The following SYCP3 variants were observed in gnomAD, a reference collection of about 807,000 sequenced individuals.
SYCP3 encodes synaptonemal complex protein 3.
Under a neutral mutation model 38.5 loss-of-function variants are expected in SYCP3, and 29 were observed. The observed-to-expected ratio is 0.75, with a 90% CI of 0.56 to 1.03. The LOEUF (loss-of-function observed/expected upper bound fraction) is 1.03. Ranked by LOEUF, SYCP3 falls within the 50% of genes least tolerant of loss-of-function variation. The pLI is 0.00. For missense variants in SYCP3, 242 were observed against 270.7 expected (o/e 0.89, Z 0.74); for synonymous variants, 79 against 80.3 (o/e 0.98, Z 0.08).
Position 101,733,445 on chromosome 12 carries a change from A to C in SYCP3, c.453+130T>G. Reference sequence around the variant, plus strand: ...CCTATACGTCTGTGGTTTACAGTTCAGTAGGTTTAAAACACATGGCCAGCA... The same window carrying C: ...CCTATACGTCTGTGGTTTACAGTTCCGTAGGTTTAAAACACATGGCCAGCA... On this transcript the variant is annotated intron_variant, in intron 6 of 8. Coordinates refer to ENST00000392924, the MANE Select transcript of SYCP3 (RefSeq NM_001177949.2). The C allele has an allele frequency of 3.8e-6, 3 of 788,742 alleles. No homozygotes were observed. The South Asian group carries it at 4.5e-5, about 12-fold the overall frequency. The allele number at this position is 788,742 out of a possible 1,614,324, so 48.9% of individuals were successfully genotyped here. A position where few individuals can be genotyped will look rare whatever the true frequency, so the allele number is the denominator to read the frequency against.
intron 4 of SYCP3, among the ~76,000 whole-genome samples, chr12:101,735,530 G>A (rs1240990142): frequency 2.6e-5 from 4 of 151,864 alleles, no homozygotes; most frequent in Non-Finnish European, 5.9e-5. Flanking sequence ...GCGTGGTGGC[G>A]CACACCTGTA....
chr12:101,739,313 G>A lies in SYCP3; in HGVS notation c.-18+38C>T, dbSNP rs1952616396. 3.0e-6 allele frequency: 3 copies of A among 1,002,578 alleles called. No individual in the cohort carries two copies. The South Asian group carries it at 1.4e-4, about 47-fold the overall frequency. 62.1% of individuals were successfully genotyped at this position (1,002,578 alleles called of 1,614,324 possible). Reference sequence around the variant, plus strand: ...ACTGGTCAAGGGCAGCCTCTGGCCTGGACACCTGCGATAGACAGACGCCTC... The same window carrying A: ...ACTGGTCAAGGGCAGCCTCTGGCCTAGACACCTGCGATAGACAGACGCCTC... On this transcript the variant is annotated intron_variant, in intron 1 of 8. Transcript: ENST00000392924.
intron 6 of SYCP3, 75 bp from the exon 7 acceptor site, chr12:101,731,741 C>A (rs1952200609): frequency 1.9e-6 from 2 of 1,047,854 alleles, no homozygotes; most frequent in East Asian, 5.3e-5. Context: ...AATAATTCTA[C>A]ATTAAACTTA....
intron 6 of SYCP3, 136 bp from the exon 7 acceptor site, chr12:101,731,802 C>A: frequency 3.3e-6 from 2 of 598,674 alleles, no homozygotes. Flanking sequence ...ACTATTATGA[C>A]CACATTTAGA....
intron 7 of SYCP3, among the ~76,000 whole-genome samples, chr12:101,730,145 G>A (rs1952120508): frequency 6.6e-6 from 1 of 152,078 alleles, no homozygotes; most frequent in African/African-American, 2.4e-5. Flanking sequence ...GGGATAGATT[G>A]GAGAACAGAG....
intron 7 of SYCP3, 82 bp downstream of exon 7, chr12:101,731,485 AT>A (rs1952187369): frequency 2.1e-6 from 2 of 971,040 alleles, no homozygotes; most frequent in African/African-American, 1.7e-5. Flanking sequence ...GTTTTTTCCC[AT>A]AAACTTAGAA....
chr12:101,737,409 A>G (rs1156256022), intron 2 of SYCP3, 111 bp from the exon 3 acceptor site: 3 of 1,031,646 alleles, frequency 2.9e-6, no homozygotes, highest in East Asian at 2.4e-5. Context: ...TTTTGCCAAC[A>G]TACAGTTTCA....
At chr12:101,735,878 T>TAATATAATCAA (rs1952419465) in intron 4 of SYCP3, among the ~76,000 whole-genome samples, 5 of 130,756 alleles carry the variant, frequency 3.8e-5, no homozygotes, top group African/African-American at 1.5e-4. Flanking sequence ...TATATTTTTT[T>TAATATAATCAA]TTTTTTAAAG....
chr12:101,738,841 C>A (rs1387278535), intron 1 of SYCP3, among the ~76,000 whole-genome samples: 1 of 152,212 alleles, frequency 6.6e-6, no homozygotes, highest in Non-Finnish European at 1.5e-5. Flanking sequence ...TTTGGGGCCG[C>A]CTCTGCCAGA....
At chr12:101,739,212 G>T in intron 1 of SYCP3, 139 bp downstream of exon 1, 1 of 804,234 alleles carries the variant, frequency 1.2e-6, no homozygotes, top group Non-Finnish European at 1.5e-6. Context: ...TCCTGCTCAA[G>T]GCCCTGTCCT....
intron 4 of SYCP3, among the ~76,000 whole-genome samples, chr12:101,735,871 A>ATATATATATATATATTTTTTTTTTTTTTT: frequency 1.1e-3 from 84 of 74,614 alleles, no homozygotes; most frequent in African/African-American, 2.3e-3. Flanking sequence ...ATATATATAT[A>ATATATATATATATATTTTTTTTTTTTTTT]TTTTTTTTTT....
intron 4 of SYCP3, among the ~76,000 whole-genome samples, chr12:101,735,730 C>T (rs906036249): frequency 6.6e-6 from 1 of 150,638 alleles, no homozygotes; most frequent in African/African-American, 2.4e-5. Context: ...ATTAAAAGGA[C>T]ACATTTCAAT....
rs1399366560 is a variant in SYCP3 at position 101,731,726 on chromosome 12, GA to G, written c.454-61del. 1.3e-5 allele frequency: 16 copies of G among 1,232,106 alleles called. No homozygotes were observed. In the African/African-American group the frequency reaches 2.0e-4, roughly 15 times the overall value. The allele number at this position is 1,232,106 out of a possible 1,614,324, so 76.3% of individuals were successfully genotyped here. The stretch of plus-strand genomic sequence containing the variant: ...CAATTTGGGTAAAATTTTAAATTTA[GA>G]AAAAATAATTCTACATTAAACTTAA... On this transcript the variant is annotated intron_variant, in intron 6 of 8. Transcript: ENST00000392924.
chr12:101,739,431 A>G lies in SYCP3; in HGVS notation c.-98T>C. 1.0e-6 allele frequency: 1 copy of G among 1,002,618 alleles called. No individual in the cohort carries two copies. Among genetic ancestry groups the G allele is most frequent in the East Asian group, 1.1e-4 (1 of 8,786 alleles). The allele number at this position is 1,002,618 out of a possible 1,614,324, so 62.1% of individuals were successfully genotyped here. On this transcript the variant is annotated 5_prime_UTR_variant, in exon 1 of 9. Transcript: ENST00000392924. ...CACAACTCCTCCACAAGCGCGCTTC[A>G]CCTGAGGTGGCCCCTTCTCCGCGAC...
chr12:101,736,601 G>C (rs1952453691), intron 4 of SYCP3, among the ~76,000 whole-genome samples: 2 of 152,030 alleles, frequency 1.3e-5, no homozygotes, highest in Admixed American at 1.3e-4. Flanking sequence ...AGTTATTTTA[G>C]AGGCTTAATT....
chr12:101,733,303 GC>G, intron 6 of SYCP3: 3 of 404,610 alleles, frequency 7.4e-6, no homozygotes, highest in Admixed American at 7.7e-5. Context: ...AAGCTAAACT[GC>G]CCCGACTTCT....
chr12:101,731,648 G>A lies in SYCP3; in HGVS notation c.472C>T (p.Gln158Ter). 6.3e-7 allele frequency: 1 copy of A among 1,599,858 alleles called. No homozygotes were observed. Among genetic ancestry groups the A allele is most frequent in the South Asian group, 1.1e-5 (1 of 87,664 alleles). The change falls in exon 7 of 9, where the codon CAA becomes TAA. Residue 158 changes from glutamine to a stop codon, truncating the protein, a stop_gained. Transcript: ENST00000392924. LOFTEE classifies it high-confidence loss of function. ...EKILNMFRQQ[Q>*]KILQQSRIVQ... ...ATTCTAGATTGTTGAAGAATCTTTT[G>A]TTGCTGTCGAAACATATTCTACAAA...
At chr12:101,734,539 G>C (rs766965052) in intron 5 of SYCP3, among the ~76,000 whole-genome samples, 1 of 152,154 alleles carries the variant, frequency 6.6e-6, no homozygotes, top group South Asian at 2.1e-4. Flanking sequence ...ATCATACTTA[G>C]AGAAAAATCA....
intron 4 of SYCP3, among the ~76,000 whole-genome samples, chr12:101,736,033 A>G (rs1952428710): frequency 1.2e-5 from 1 of 86,292 alleles, no homozygotes; most frequent in African/African-American, 6.3e-5. Context: ...TACATTTTTT[A>G]CTAAGAGACA....
Sources: allele counts gnomAD v4.1 joint callset (sites outside exome capture counted in the v4.1 genomes callset), GRCh38; gene constraint gnomAD v4.1.1; transcripts MANE v1.5; gene names NCBI Gene and HGNC (gene_info 2026-07-23, HGNC 2026-07-21).